MEGF9: variants seen among roughly 807,000 people sequenced by gnomAD.
The protein encoded by MEGF9 is multiple EGF like domains 9.
In MEGF9, 6 loss-of-function variants were observed where a neutral mutation model predicts 46.8. The observed-to-expected ratio is 0.13, with a 90% confidence interval of 0.07 to 0.25. The LOEUF (loss-of-function observed/expected upper bound fraction) is 0.25, where lower values mean the gene tolerates loss of function less well. MEGF9 is among the 10% of genes least tolerant of loss of function. MEGF9 has a pLI of 1.00. For synonymous variants in MEGF9, 302 were observed against 330.7 expected, an observed-to-expected ratio of 0.91 and a Z score of 0.94; for missense variants, 683 against 792.4, an observed-to-expected ratio of 0.86 and a Z score of 1.66.
chr9:120,703,131 G>T (rs1412447307), intron 1 of MEGF9, among the ~76,000 whole-genome samples: 1 of 152,218 alleles, frequency 6.6e-6, no homozygotes, highest in Non-Finnish European at 1.5e-5. Flanking sequence ...AGTTCCACTT[G>T]TCCTAAGCAG....
Position 120,608,022 on chromosome 9 carries a change from A to C in MEGF9, c.1088-12T>G, listed in dbSNP as rs1411504768. 3 of 1,612,966 alleles carry C rather than the reference A, an allele frequency of 1.9e-6. No individual in the cohort carries two copies. The South Asian group carries it at 3.3e-5, about 18-fold the overall frequency. ...CAATTCACTCGATTCTAAAAGAGAG[A>C]ATGCCAAAATAGTTTAGTACAGTCT... On this transcript the variant is annotated splice_polypyrimidine_tract_variant and intron_variant, in intron 4 of 5. Coordinates refer to ENST00000373930, the MANE Select transcript of MEGF9 (RefSeq NM_001080497.3).
chr9:120,636,803 C>G (rs1042878111), intron 2 of MEGF9, among the ~76,000 whole-genome samples: 2 of 151,872 alleles, frequency 1.3e-5, no homozygotes, highest in Non-Finnish European at 1.5e-5. Context: ...GCAGCCGCCC[C>G]GTCTGGGAGG....
chr9:120,609,879 C>T (rs947960299), intron 4 of MEGF9, among the ~76,000 whole-genome samples: 10 of 152,056 alleles, frequency 6.6e-5, no homozygotes, highest in South Asian at 2.1e-4. Flanking sequence ...TTAAGAAAAA[C>T]GAATTCCTTT....
chr9:120,707,567 T>A (rs1337065413), intron 1 of MEGF9, among the ~76,000 whole-genome samples: 1 of 152,200 alleles, frequency 6.6e-6, no homozygotes, highest in Non-Finnish European at 1.5e-5. Flanking sequence ...GATAAAAGAC[T>A]GTGGGGTCTA....
At chr9:120,666,141 T>C (rs1188939100) in intron 1 of MEGF9, among the ~76,000 whole-genome samples, 3 of 152,238 alleles carry the variant, frequency 2.0e-5, no homozygotes, top group Non-Finnish European at 4.4e-5. Flanking sequence ...GATATTTTGA[T>C]AGGGATTGCA....
At chr9:120,703,207 G>A (rs1200617394) in intron 1 of MEGF9, among the ~76,000 whole-genome samples, 1 of 152,128 alleles carries the variant, frequency 6.6e-6, no homozygotes, top group East Asian at 1.9e-4. Flanking sequence ...TAAAAAGAAA[G>A]GCATGATTAC....
At chr9:120,640,796 T>C (rs1490069878) in intron 2 of MEGF9, among the ~76,000 whole-genome samples, 2 of 152,142 alleles carry the variant, frequency 1.3e-5, no homozygotes, top group Non-Finnish European at 2.9e-5. Flanking sequence ...GTCTGGTGTA[T>C]GAATGATCCC....
chr9:120,675,123 T>A (rs1488406923), intron 1 of MEGF9, among the ~76,000 whole-genome samples: 1 of 152,194 alleles, frequency 6.6e-6, no homozygotes, highest in East Asian at 1.9e-4. Context: ...AAATGAAAAC[T>A]GAGTTCACAC....
chr9:120,624,728 G>C (rs1183408457), intron 2 of MEGF9, among the ~76,000 whole-genome samples: 1 of 151,996 alleles, frequency 6.6e-6, no homozygotes, highest in Non-Finnish European at 1.5e-5. Flanking sequence ...ACAAAAATTA[G>C]TCAGAGTGGT....
At chr9:120,615,289 ATGTG>A (rs953496588) in intron 3 of MEGF9, among the ~76,000 whole-genome samples, 1 of 137,348 alleles carries the variant, frequency 7.3e-6, no homozygotes, top group Non-Finnish European at 1.5e-5. Context: ...GTGTGTGTGC[ATGTG>A]TGTGTACACA....
intron 1 of MEGF9, among the ~76,000 whole-genome samples, chr9:120,680,659 ATGT>A (rs1474878425): frequency 6.6e-6 from 1 of 152,034 alleles, no homozygotes; most frequent in Admixed American, 6.6e-5. Context: ...GTATCCAGAG[ATGT>A]TGTCTGGGAG....
At position 120,714,284 on chromosome 9, in the gene MEGF9, G is replaced by A; in HGVS notation, c.75C>T (p.Ala25=). The A allele has an allele frequency of 1.6e-6, 2 of 1,261,980 alleles. No homozygotes were observed. The highest frequency in any genetic ancestry group is 1.0e-6 in the Non-Finnish European group (1 of 1,004,772). 78.2% of individuals were successfully genotyped at this position (1,261,980 alleles called of 1,614,324 possible). A position where few individuals can be genotyped will look rare whatever the true frequency, so the allele number is the denominator to read the frequency against. Residue 25 remains alanine, a synonymous_variant, in exon 1 of 6, where the codon GCC becomes GCT. Coordinates refer to ENST00000373930, the MANE Select transcript of MEGF9 (RefSeq NM_001080497.3). ...AGGCGACGGCGGCGGCGGCGGCGGC[G>A]GCGGCGCAGCACAACAGGGCGAGGC... ...LGGLALLCCA[A]AAAAAAVASA...
Position 120,605,194 on chromosome 9 carries a change from G to A in MEGF9, c.1805C>T (p.Ala602Val). 1 of 1,612,040 alleles carries A rather than the reference G, an allele frequency of 6.2e-7. No individual in the cohort carries two copies. The highest frequency in any genetic ancestry group is 8.5e-7 in the Non-Finnish European group (1 of 1,178,762). Residue 602 changes from alanine to valine, a missense_variant, in exon 6 of 6, where the codon GCC (alanine) becomes GTC (valine). Coordinates refer to ENST00000373930, the MANE Select transcript of MEGF9 (RefSeq NM_001080497.3). The surrounding 1 kb of genome is among the most constrained non-coding windows in gnomAD (Gnocchi z 4.0). ...TLTTPIHNYK[A>V] ...ATTCAGAACAGTTCTAGCTCCTTAG[G>A]CTTTGTAGTTATGTATGGGCGTCGT...
At chr9:120,667,345 T>C (rs1429459373) in intron 1 of MEGF9, among the ~76,000 whole-genome samples, 3 of 152,234 alleles carry the variant, frequency 2.0e-5, no homozygotes, top group Non-Finnish European at 4.4e-5. Flanking sequence ...AGGAGTACAA[T>C]CTTTTCTTTT....
At chr9:120,681,730 T>G (rs2043799527) in intron 1 of MEGF9, among the ~76,000 whole-genome samples, 1 of 152,200 alleles carries the variant, frequency 6.6e-6, no homozygotes, top group African/African-American at 2.4e-5. Context: ...TGTTGGTAAC[T>G]ATTCTTCAAT....
At chr9:120,701,915 C>T (rs375724942) in intron 1 of MEGF9, among the ~76,000 whole-genome samples, 6 of 152,106 alleles carry the variant, frequency 3.9e-5, no homozygotes, top group African/African-American at 7.2e-5. Context: ...TGGTGGCCGG[C>T]GCCTGTAGTC....
chr9:120,609,851 T>A (rs923828076), intron 4 of MEGF9, among the ~76,000 whole-genome samples: 2 of 152,172 alleles, frequency 1.3e-5, no homozygotes, highest in Admixed American at 6.5e-5. Flanking sequence ...TGGCAATGAA[T>A]CATATTTCTG....
At chr9:120,689,534 C>A (rs2043838989) in intron 1 of MEGF9, among the ~76,000 whole-genome samples, 1 of 151,978 alleles carries the variant, frequency 6.6e-6, no homozygotes, top group Non-Finnish European at 1.5e-5. Flanking sequence ...GACTTTTTAG[C>A]AGCCTGCTAA....
At chr9:120,615,283 GTGTGCA>G (rs140947189) in intron 3 of MEGF9, among the ~76,000 whole-genome samples, 5,076 of 147,344 alleles carry the variant, frequency 0.034, 274 homozygotes, top group African/African-American at 0.12. Flanking sequence ...AAGCGTGTGT[GTGTGCA>G]TGTGTGTGTA....
Sources: allele counts gnomAD v4.1 joint callset (sites outside exome capture counted in the v4.1 genomes callset), GRCh38; gene constraint gnomAD v4.1.1; non-coding constraint Gnocchi (gnomAD v3.1); transcripts MANE v1.5; gene names NCBI Gene and HGNC (gene_info 2026-07-23, HGNC 2026-07-21).